Variants in EIF3H observed in about 807,000 individuals in gnomAD.
EIF3H encodes eIF-3-gamma.
Under a neutral mutation model 44.2 loss-of-function variants are expected in EIF3H, and 26 were observed. That is an observed-to-expected ratio of 0.59 (90% confidence interval 0.43 to 0.82). The LOEUF is 0.82. Among genes scored for constraint, EIF3H ranks in the 40% least tolerant of loss-of-function variants. The probability of loss-of-function intolerance (pLI) is 0.00; values close to 1 mark genes in which losing one functional copy is unlikely to be tolerated. For synonymous variants in EIF3H, 166 were observed against 151.9 expected (o/e 1.09, Z -0.68); for missense variants, 359 against 432.8 (o/e 0.83, Z 1.51).
At chr8:116,762,783 A>G (rs1815531513) in intron 1 of EIF3H, among the ~76,000 whole-genome samples, 1 of 152,122 alleles carries the variant, frequency 6.6e-6, no homozygotes, top group Non-Finnish European at 1.5e-5. Context: ...TCCCTACTTA[A>G]ATATACAAAA....
At chr8:116,761,416 G>T (rs1440095188) in intron 1 of EIF3H, among the ~76,000 whole-genome samples, 1 of 152,154 alleles carries the variant, frequency 6.6e-6, no homozygotes, top group African/African-American at 2.4e-5. Context: ...GGAGGCTGAG[G>T]CAAGAGAATC....
At chr8:116,680,646 AT>A (rs1813967383) in intron 2 of EIF3H, among the ~76,000 whole-genome samples, 1 of 127,370 alleles carries the variant, frequency 7.9e-6, no homozygotes, top group Non-Finnish European at 1.6e-5. Flanking sequence ...GTTAAGAGTC[AT>A]CACCACTCCC....
chr8:116,703,814 C>G (rs921309248), intron 2 of EIF3H, among the ~76,000 whole-genome samples: 6 of 152,148 alleles, frequency 3.9e-5, no homozygotes, highest in Non-Finnish European at 8.8e-5. Flanking sequence ...TCCCCCAGGC[C>G]CAGCTGTCTT....
intron 1 of EIF3H, among the ~76,000 whole-genome samples, chr8:116,752,762 AGG>A (rs1563663134): frequency 3.7e-3 from 95 of 25,794 alleles, no homozygotes; most frequent in African/African-American, 0.012. Flanking sequence ...AGAGGGAGGG[AGG>A]GAGGGAGGGA....
At chr8:116,652,616 C>T (rs941119363) in intron 5 of EIF3H, among the ~76,000 whole-genome samples, 7 of 152,032 alleles carry the variant, frequency 4.6e-5, no homozygotes, top group South Asian at 2.1e-4. Context: ...TGTTTACGTA[C>T]GTAGATAGAG....
intron 1 of EIF3H, among the ~76,000 whole-genome samples, chr8:116,751,740 CTA>C (rs1385247204): frequency 6.6e-6 from 1 of 152,196 alleles, no homozygotes; most frequent in Non-Finnish European, 1.5e-5. Context: ...AAGAATACTA[CTA>C]TAATTACTGC....
intron 2 of EIF3H, among the ~76,000 whole-genome samples, chr8:116,672,461 A>T (rs1191082166): frequency 1.3e-5 from 2 of 152,120 alleles, no homozygotes; most frequent in African/African-American, 4.8e-5. Flanking sequence ...TTACAAAAAA[A>T]TTTTAAAAAT....
intron 1 of EIF3H, among the ~76,000 whole-genome samples, chr8:116,732,240 C>T (rs1018532386): frequency 3.3e-5 from 5 of 151,958 alleles, no homozygotes; most frequent in Admixed American, 3.3e-4. Flanking sequence ...AAAATTAAAA[C>T]CTATCTTTGC....
intron 2 of EIF3H, among the ~76,000 whole-genome samples, chr8:116,661,092 G>C (rs890645275): frequency 5.9e-5 from 9 of 152,168 alleles, no homozygotes; most frequent in African/African-American, 2.2e-4. Context: ...AAGTGGGATA[G>C]AATCACTGCT....
At chr8:116,669,313 C>T (rs554525803) in intron 2 of EIF3H, among the ~76,000 whole-genome samples, 27 of 152,110 alleles carry the variant, frequency 1.8e-4, no homozygotes, top group Non-Finnish European at 3.4e-4. Flanking sequence ...AATATAATTG[C>T]ATTGTACCAT....
At chr8:116,698,739 T>TA (rs1394857125) in intron 2 of EIF3H, among the ~76,000 whole-genome samples, 2 of 152,240 alleles carry the variant, frequency 1.3e-5, no homozygotes, top group African/African-American at 4.8e-5. Context: ...TTCTGCAACT[T>TA]AATGTTGCCA....
chr8:116,698,754 C>T (rs1814315385), intron 2 of EIF3H, among the ~76,000 whole-genome samples: 1 of 152,194 alleles, frequency 6.6e-6, no homozygotes, highest in South Asian at 2.1e-4. Context: ...TTGCCAACTA[C>T]CAACTTTCAT....
At chr8:116,675,116 T>A (rs551383117) in intron 2 of EIF3H, among the ~76,000 whole-genome samples, 1 of 152,170 alleles carries the variant, frequency 6.6e-6, no homozygotes, top group African/African-American at 2.4e-5. Context: ...AAAATCTCTT[T>A]GTATTTTTAA....
intron 2 of EIF3H, among the ~76,000 whole-genome samples, chr8:116,710,710 C>T (rs1036250166): frequency 1.3e-5 from 2 of 152,202 alleles, no homozygotes; most frequent in African/African-American, 4.8e-5. Context: ...GGAATTACTG[C>T]CACCTCCCTA....
intron 2 of EIF3H, among the ~76,000 whole-genome samples, chr8:116,672,243 A>G (rs543356640): frequency 6.7e-4 from 102 of 152,366 alleles, no homozygotes; most frequent in Non-Finnish European, 3.8e-4. Context: ...AAAAACTAGT[A>G]TTCCATAGAG....
chr8:116,760,060 G>A (rs920205287), upstream of EIF3H, among the ~76,000 whole-genome samples: 1 of 152,144 alleles, frequency 6.6e-6, no homozygotes, highest in South Asian at 2.1e-4. Context: ...AAACAAGAGG[G>A]AAATATATGC....
At chr8:116,655,303 C>T (rs780804256) in intron 5 of EIF3H, among the ~76,000 whole-genome samples, 2 of 150,654 alleles carry the variant, frequency 1.3e-5, no homozygotes, top group African/African-American at 4.9e-5. Context: ...AAGGCAGTCA[C>T]GGTGGAGGAA....
chr8:116,727,213 A>G (rs1814858411), intron 1 of EIF3H, among the ~76,000 whole-genome samples: 1 of 152,234 alleles, frequency 6.6e-6, no homozygotes, highest in Non-Finnish European at 1.5e-5. Flanking sequence ...GATGGTGAAG[A>G]AACAGCCTAA....
chr8:116,749,351 A>G (rs1815290266), intron 1 of EIF3H, among the ~76,000 whole-genome samples: 1 of 152,196 alleles, frequency 6.6e-6, no homozygotes, highest in Non-Finnish European at 1.5e-5. Flanking sequence ...AAACAGTAAA[A>G]TGCTATAAAT....
Sources: gnomAD v4.1 joint callset for allele counts (sites outside exome capture counted in the v4.1 genomes callset) on GRCh38, gnomAD v4.1.1 for gene constraint, MANE v1.5 for transcripts, NCBI Gene and HGNC (gene_info 2026-07-23, HGNC 2026-07-21) for gene names.